Variants in MEF2C observed in about 807,000 individuals in gnomAD.
The protein encoded by MEF2C is myocyte enhancer factor 2C.
In MEF2C, 6 loss-of-function variants were observed where a neutral mutation model predicts 50.5. That is an observed-to-expected ratio of 0.12 (90% CI 0.07 to 0.23). The LOEUF (loss-of-function observed/expected upper bound fraction) is 0.23, where lower values mean the gene tolerates loss of function less well. Among genes scored for constraint, MEF2C ranks in the 10% least tolerant of loss-of-function variants. The pLI, the probability that MEF2C is intolerant of heterozygous loss-of-function variation, is 1.00. For synonymous variants in MEF2C, 183 were observed against 228.0 expected (o/e 0.80, Z 1.78); for missense variants, 276 against 605.0 (o/e 0.46, Z 5.70).
At chr5:88,818,404 T>C (rs1244604847) in intron 2 of MEF2C, among the ~76,000 whole-genome samples, 5 of 151,442 alleles carry the variant, frequency 3.3e-5, no homozygotes, top group Non-Finnish European at 5.9e-5. Context: ...ATTGGTACCA[T>C]GTGAAAGAGG....
intron 4 of MEF2C, chr5:88,760,837 G>T: frequency 2.4e-6 from 2 of 834,560 alleles, no homozygotes; most frequent in South Asian, 2.0e-5. Flanking sequence ...ATCCTTTAGG[G>T]TTTGCTTTCT....
At chr5:88,835,299 T>C (rs1177779563) in intron 1 of MEF2C, among the ~76,000 whole-genome samples, 1 of 152,216 alleles carries the variant, frequency 6.6e-6, no homozygotes, top group Non-Finnish European at 1.5e-5. Flanking sequence ...ATTTCATCTC[T>C]CAAAGGACCC....
At chr5:88,730,897 C>T (rs1424116298) in intron 7 of MEF2C, among the ~76,000 whole-genome samples, 1 of 152,058 alleles carries the variant, frequency 6.6e-6, no homozygotes, top group Non-Finnish European at 1.5e-5. Flanking sequence ...ATTTGTCTAC[C>T]GAATCTTGGT....
chr5:88,898,008 C>T (rs1393226190), intron 1 of MEF2C, among the ~76,000 whole-genome samples: 1 of 152,150 alleles, frequency 6.6e-6, no homozygotes, highest in African/African-American at 2.4e-5. Flanking sequence ...GGTGGTTCTT[C>T]CATAGCACTT....
At chr5:88,885,910 A>G (rs1834003385), upstream of MEF2C, among the ~76,000 whole-genome samples, 2 of 152,220 alleles carry the variant, frequency 1.3e-5, no homozygotes, top group African/African-American at 2.4e-5. Context: ...TGTTCTTTCA[A>G]AAAGAAATTA....
chr5:88,833,038 A>G (rs1253079413), intron 1 of MEF2C, among the ~76,000 whole-genome samples: 1 of 152,174 alleles, frequency 6.6e-6, no homozygotes, highest in Admixed American at 6.6e-5. Context: ...ACAGATGTTA[A>G]CTGCAAAGAA....
chr5:88,731,984 A>G, intron 6 of MEF2C, 83 bp from the exon 7 acceptor site: 1 of 1,291,502 alleles, frequency 7.7e-7, no homozygotes, highest in Non-Finnish European at 1.1e-6. Flanking sequence ...GAGAATAAAA[A>G]CAAAAGCTTA....
intron 1 of MEF2C, among the ~76,000 whole-genome samples, chr5:88,827,888 T>C (rs1354380427): frequency 1.3e-5 from 2 of 148,914 alleles, no homozygotes; most frequent in Non-Finnish European, 3.0e-5. Context: ...TGGTAAAATA[T>C]GCTAATCATT....
intron 2 of MEF2C, among the ~76,000 whole-genome samples, chr5:88,813,873 A>AT (rs535410266): frequency 3.4e-4 from 51 of 151,870 alleles, no homozygotes; most frequent in Non-Finnish European, 6.3e-4. Context: ...AGGTTTGATC[A>AT]TTTTTTTTCC....
intron 1 of MEF2C, among the ~76,000 whole-genome samples, chr5:88,891,323 A>T (rs1228153771): frequency 6.6e-6 from 1 of 152,062 alleles, no homozygotes. Context: ...AATTTGATAA[A>T]GATATCGGAG....
In MEF2C at chr5:88,832,124, T is replaced by C. The variant is rs150245725; in HGVS notation, c.-142-8194A>G. On this transcript the variant is annotated intron_variant, in intron 1 of 10. Transcript: ENST00000504921. ...ATTGACTGCACACCAAAGTATCACA[T>C]AGGACTTCTGAAGCCATTCTATACA... Among the ~76,000 whole-genome samples, 123 of 152,254 alleles carry C rather than the reference T, an allele frequency of 8.1e-4. 1 individual carries two copies. Among genetic ancestry groups the C allele is most frequent in the African/African-American group, 2.9e-3 (119 of 41,564 alleles).
chr5:88,777,817 T>C (rs945748367), intron 3 of MEF2C, among the ~76,000 whole-genome samples: 3 of 151,928 alleles, frequency 2.0e-5, no homozygotes, highest in African/African-American at 4.8e-5. Flanking sequence ...TTCACCAATA[T>C]GTAGGTACTA....
intron 7 of MEF2C, among the ~76,000 whole-genome samples, chr5:88,731,003 T>C (rs1761264835): frequency 6.6e-6 from 1 of 152,210 alleles, no homozygotes; most frequent in Admixed American, 6.5e-5. Flanking sequence ...ATCTTCATCT[T>C]AGGCATGCAG....
In MEF2C at chr5:88,883,025, A is replaced by T. The variant is rs985385030; in HGVS notation, c.-213T>A. 9 of 152,392 alleles carry T rather than the reference A, an allele frequency of 5.9e-5. No individual in the cohort carries two copies. Among genetic ancestry groups the T allele is most frequent in the African/African-American group, 2.2e-4 (9 of 41,414 alleles). The allele number at this position is 152,392 out of a possible 1,614,324, so 9.4% of individuals were successfully genotyped here. A position where few individuals can be genotyped will look rare whatever the true frequency, so the allele number is the denominator to read the frequency against. On this transcript the variant is annotated 5_prime_UTR_variant, in exon 1 of 11. Coordinates refer to ENST00000504921, the MANE Select transcript of MEF2C (RefSeq NM_002397.5). ...CTTAAGAGAGAGAGAGAGAGAAAAA[A>T]AAAATAACAACAATAATCTTTACTT...
In MEF2C at chr5:88,780,865, C is replaced by A. The variant is rs773187473; in HGVS notation, c.259-19537G>T. On this transcript the variant is annotated intron_variant, in intron 3 of 10. Transcript: ENST00000504921. ...CTTCTCTTTCTCCCTACATCTCTCTCGTTCTTTCACTTTCTCTCTCATTGT... is the reference window on the plus strand; with the variant it reads ...CTTCTCTTTCTCCCTACATCTCTCTAGTTCTTTCACTTTCTCTCTCATTGT... 18 of 985,192 alleles carry A rather than the reference C, an allele frequency of 1.8e-5. 1 individual carries two copies. In the South Asian group the frequency reaches 6.1e-4, roughly 33 times the overall value. 61.0% of individuals were successfully genotyped at this position (985,192 alleles called of 1,614,324 possible). A position where few individuals can be genotyped will look rare whatever the true frequency, so the allele number is the denominator to read the frequency against.
At chr5:88,896,944 T>TACACACACACACAC (rs58754057) in intron 1 of MEF2C, among the ~76,000 whole-genome samples, 191 of 150,600 alleles carry the variant, frequency 1.3e-3, no homozygotes, top group East Asian at 5.5e-3. Flanking sequence ...TCAGTAAAGC[T>TACACACACACACAC]ACACACACAC....
intron 8 of MEF2C, 145 bp from the exon 9 acceptor site, chr5:88,729,492 T>A (rs570666130): frequency 1.3e-6 from 1 of 743,794 alleles, no homozygotes; most frequent in Non-Finnish European, 2.2e-6. Context: ...CTATGAACTC[T>A]GCCAACCCTA....
intron 2 of MEF2C, among the ~76,000 whole-genome samples, chr5:88,821,084 C>T (rs1281680826): frequency 1.3e-5 from 2 of 151,792 alleles, no homozygotes; most frequent in African/African-American, 4.8e-5. Context: ...AGAAATCTGT[C>T]TTCAGAATTT....
At chr5:88,800,948 C>G (rs1015787923) in intron 3 of MEF2C, among the ~76,000 whole-genome samples, 2 of 152,018 alleles carry the variant, frequency 1.3e-5, no homozygotes, top group African/African-American at 4.8e-5. Context: ...GTCTGTTAAG[C>G]CTTTGTGAGT....
Sources: gnomAD v4.1 joint callset for allele counts (sites outside exome capture counted in the v4.1 genomes callset) on GRCh38, gnomAD v4.1.1 for gene constraint, MANE v1.5 for transcripts, NCBI Gene and HGNC (gene_info 2026-07-23, HGNC 2026-07-21) for gene names.